Variants in TRNT1 observed in about 807,000 individuals in gnomAD.
TRNT1 encodes tRNA nucleotidyl transferase 1, also known as CCA tRNA nucleotidyltransferase 1, mitochondrial.
TRNT1 carries 44 observed loss-of-function variants against 45.6 expected under a neutral mutation model. The observed-to-expected ratio is 0.97, with a 90% CI of 0.76 to 1.24. TRNT1 has a LOEUF of 1.24. TRNT1 is among the 50% of genes most tolerant of loss of function. The probability of loss-of-function intolerance (pLI) is 0.00; values close to 1 mark genes in which losing one functional copy is unlikely to be tolerated. For synonymous variants in TRNT1, 201 were observed against 171.4 expected, an observed-to-expected ratio of 1.17 and a Z score of -1.35; for missense variants, 633 against 504.4, an observed-to-expected ratio of 1.25 and a Z score of -2.44.
intron 2 of TRNT1, chr3:3,129,596 G>C: frequency 2.1e-6 from 1 of 485,540 alleles, no homozygotes; most frequent in Non-Finnish European, 3.7e-6. Context: ...AAAGAGAAAG[G>C]AATATTAAAA....
chr3:3,133,429 C>G (rs770692504), intron 2 of TRNT1, among the ~76,000 whole-genome samples: 16 of 151,990 alleles, frequency 1.1e-4, no homozygotes, highest in African/African-American at 1.7e-4. Flanking sequence ...TACAGTGATG[C>G]ACACCTGTAG....
rs1559233693 is a variant in TRNT1 at position 3,148,804 on chromosome 3, T to TTA, written c.*650_*651insTA. On this transcript the variant is annotated 3_prime_UTR_variant, in exon 8 of 8. Transcript: ENST00000251607. Reference sequence around the variant, plus strand: ...TTAACTTGAGGGTCACTATTGAGCCTATTAATTAATTATTGTTTTAATAAA... The same window carrying TTA: ...TTAACTTGAGGGTCACTATTGAGCCTTAATTAATTAATTATTGTTTTAATAAA... The TTA allele has an allele frequency of 6.0e-5, 9 of 150,282 alleles. No individual in the cohort carries two copies. Among genetic ancestry groups the TTA allele is most frequent in the African/African-American group, 2.2e-4 (9 of 40,836 alleles). The allele number at this position is 150,282 out of a possible 1,614,324, so 9.3% of individuals were successfully genotyped here.
At chr3:3,128,351 C>T (rs897468643) in intron 1 of TRNT1, among the ~76,000 whole-genome samples, 1 of 152,132 alleles carries the variant, frequency 6.6e-6, no homozygotes, top group Non-Finnish European at 1.5e-5. Context: ...AATCCCAGCA[C>T]TTTGGGAGGC....
chr3:3,140,730 T>G, intron 4 of TRNT1, 82 bp downstream of exon 4: 1 of 1,503,292 alleles, frequency 6.7e-7, no homozygotes, highest in Non-Finnish European at 9.1e-7. Flanking sequence ...GGAAATGTTC[T>G]TCAACTTGAG....
chr3:3,137,210 C>A, intron 2 of TRNT1, 50 bp from the exon 3 acceptor site: 9 of 1,451,852 alleles, frequency 6.2e-6, no homozygotes, highest in Non-Finnish European at 8.4e-6. Flanking sequence ...AAAATAAACA[C>A]ATTGAAATAA....
intron 4 of TRNT1, 25 bp from the exon 5 acceptor site, chr3:3,144,559 T>G (rs1480410752): frequency 1.3e-6 from 2 of 1,565,036 alleles, no homozygotes; most frequent in Non-Finnish European, 1.7e-6. Flanking sequence ...ATAGTGATTT[T>G]TCTCCCTCCT....
chr3:3,140,504 T>C lies in TRNT1; in HGVS notation c.343-6T>C. 1 of 1,611,362 alleles carries C rather than the reference T, an allele frequency of 6.2e-7. No individual in the cohort carries two copies. The highest frequency in any genetic ancestry group is 8.5e-7 in the Non-Finnish European group (1 of 1,178,800). ...GACAACAAAAACCCCATGTATTTAA[T>C]TGCAGCTTCATGAAGAAAATTTTGA... On this transcript the variant is annotated splice_polypyrimidine_tract_variant and splice_region_variant and intron_variant, in intron 3 of 7. Transcript: ENST00000251607.
At chr3:3,134,598 T>G (rs1000046424) in intron 2 of TRNT1, among the ~76,000 whole-genome samples, 3 of 152,182 alleles carry the variant, frequency 2.0e-5, no homozygotes, top group Non-Finnish European at 4.4e-5. Flanking sequence ...TCCCACTGTT[T>G]ATAGTAAGTT....
In TRNT1 at chr3:3,137,356, C is replaced by T. The variant is rs746838513; in HGVS notation, c.245C>T (p.Thr82Ile). 6 of 1,613,812 alleles carry T rather than the reference C, an allele frequency of 3.7e-6. No individual in the cohort carries two copies. Among genetic ancestry groups the T allele is most frequent in the Non-Finnish European group, 5.1e-6 (6 of 1,179,872 alleles). ...AAGCCTCAGGATATAGATTTTGCCA[C>T]CACTGCTACCCCTACTCAAATGAAG... is the stretch of plus-strand genomic sequence containing the variant. Reference protein sequence around the residue: ...GVKPQDIDFATTATPTQMKEM... With the variant: ...GVKPQDIDFAITATPTQMKEM... Residue 82 changes from threonine to isoleucine, a missense_variant, in exon 3 of 8, where the codon ACC (threonine) becomes ATC (isoleucine). Physicochemically the swap from Thr to Ile is moderately conservative, Grantham distance 89. Coordinates refer to ENST00000251607, the MANE Select transcript of TRNT1 (RefSeq NM_182916.3).
At chr3:3,141,211 A>T (rs1054148735) in intron 4 of TRNT1, among the ~76,000 whole-genome samples, 1 of 152,230 alleles carries the variant, frequency 6.6e-6, no homozygotes, top group African/African-American at 2.4e-5. Context: ...AGTTAATTGT[A>T]AATGCTTAGA....
chr3:3,133,163 T>G (rs143983174), intron 2 of TRNT1, among the ~76,000 whole-genome samples: 286 of 152,278 alleles, frequency 1.9e-3, no homozygotes, highest in Non-Finnish European at 3.0e-3. Context: ...GAGACTAGAA[T>G]AGTGTATTAT....
intron 2 of TRNT1, 95 bp from the exon 3 acceptor site, chr3:3,137,165 C>T (rs1208242059): frequency 1.0e-6 from 1 of 998,500 alleles, no homozygotes; most frequent in Admixed American, 3.2e-5. Context: ...CTCTGCTGTT[C>T]CAACTAGATG....
intron 2 of TRNT1, among the ~76,000 whole-genome samples, chr3:3,134,919 C>T (rs1705234373): frequency 6.6e-6 from 1 of 152,008 alleles, no homozygotes; most frequent in African/African-American, 2.4e-5. Context: ...GGTGAGGCTT[C>T]CTAAAGTGAG....
chr3:3,138,852 G>A (rs1033938432), intron 3 of TRNT1, among the ~76,000 whole-genome samples: 1 of 152,128 alleles, frequency 6.6e-6, no homozygotes, highest in African/African-American at 2.4e-5. Flanking sequence ...TCCTCCGAGT[G>A]TTTTCTTTCA....
chr3:3,131,451 G>C (rs1004993020), intron 2 of TRNT1: 1 of 151,966 alleles, frequency 6.6e-6, no homozygotes, highest in South Asian at 2.1e-4. Context: ...TGTGTTTAAC[G>C]TTCTAAACCT....
rs1325737127 is a variant in TRNT1 at position 3,147,664 on chromosome 3, T to C, written c.1017T>C (p.Ser339=). The change falls in exon 7 of 8, where the codon AGT becomes AGC. Residue 339 remains serine (S), a synonymous_variant. Transcript: ENST00000251607. ...NRKDLIKATD[S]SDPLKPYQDF... is the part of the protein sequence containing the mutation. ...AAGATTTAATTAAAGCAACAGATAGTTCAGACCCATTGAAACCCTATCAAG... is the reference window on the plus strand; with the variant it reads ...AAGATTTAATTAAAGCAACAGATAGCTCAGACCCATTGAAACCCTATCAAG... The C allele has an allele frequency of 1.9e-6, 3 of 1,613,440 alleles. No individual in the cohort carries two copies. Among genetic ancestry groups the C allele is most frequent in the African/African-American group, 2.7e-5 (2 of 74,876 alleles).
chr3:3,144,144 TTC>T (rs1310616466), intron 4 of TRNT1, among the ~76,000 whole-genome samples: 3 of 152,232 alleles, frequency 2.0e-5, no homozygotes, highest in Non-Finnish European at 4.4e-5. Context: ...GTGTTGCGTT[TTC>T]TGTTTTCTTG....
At chr3:3,134,864 T>C (rs3967099) in intron 2 of TRNT1, among the ~76,000 whole-genome samples, 1 of 152,082 alleles carries the variant, frequency 6.6e-6, no homozygotes, top group African/African-American at 2.4e-5. Flanking sequence ...TATAAAGATA[T>C]GCTGTACTAG....
chr3:3,135,438 C>G (rs937242268), intron 2 of TRNT1, among the ~76,000 whole-genome samples: 1 of 151,868 alleles, frequency 6.6e-6, no homozygotes, highest in African/African-American at 2.4e-5. Context: ...ATCCCTATGT[C>G]TAGATGGTGG....
Sources: allele counts gnomAD v4.1 joint callset (sites outside exome capture counted in the v4.1 genomes callset), GRCh38; gene constraint gnomAD v4.1.1; transcripts MANE v1.5; gene names NCBI Gene and HGNC (gene_info 2026-07-23, HGNC 2026-07-21).